The following CLSTN2 variants were observed in gnomAD, a reference collection of about 807,000 sequenced individuals.
CLSTN2 encodes the protein calsyntenin-2.
Under a neutral mutation model 101.2 loss-of-function variants are expected in CLSTN2, and 48 were observed. The ratio of observed to expected loss-of-function variants is 0.47; its 90% CI spans 0.38 to 0.60. CLSTN2 has a LOEUF of 0.60. CLSTN2 is among the 20% of genes least tolerant of loss of function. CLSTN2 has a pLI of 0.00. For synonymous variants in CLSTN2, 481 were observed against 463.6 expected, an observed-to-expected ratio of 1.04 and a Z score of -0.48; for missense variants, 1,160 against 1,238.2, an observed-to-expected ratio of 0.94 and a Z score of 0.95.
chr3:140,526,306 C>T (rs190399929), intron 8 of CLSTN2, among the ~76,000 whole-genome samples: 7 of 152,150 alleles, frequency 4.6e-5, no homozygotes, highest in Admixed American at 4.6e-4. Flanking sequence ...AACACAATCC[C>T]ATCTACAATA....
At chr3:140,381,195 C>T (rs1231863664) in intron 2 of CLSTN2, among the ~76,000 whole-genome samples, 1 of 152,188 alleles carries the variant, frequency 6.6e-6, no homozygotes, top group East Asian at 1.9e-4. Flanking sequence ...CATTATCTCC[C>T]TGTGTGTTTT....
chr3:139,971,945 A>G (rs543899167), intron 1 of CLSTN2, among the ~76,000 whole-genome samples: 1 of 152,008 alleles, frequency 6.6e-6, no homozygotes, highest in Admixed American at 6.6e-5. Context: ...AGGGTCAGGG[A>G]GACTGTCTGC....
At chr3:139,978,525 A>G (rs1424190858) in intron 1 of CLSTN2, among the ~76,000 whole-genome samples, 3 of 152,214 alleles carry the variant, frequency 2.0e-5, no homozygotes, top group Non-Finnish European at 4.4e-5. Flanking sequence ...GGAAAAGTTA[A>G]CTATGGCATC....
chr3:140,020,600 C>T (rs1298529336), intron 1 of CLSTN2, among the ~76,000 whole-genome samples: 1 of 152,190 alleles, frequency 6.6e-6, no homozygotes, highest in Non-Finnish European at 1.5e-5. Flanking sequence ...CATGCGTTCC[C>T]ATTGTGCCCT....
chr3:140,218,152 T>G (rs1400368561), intron 2 of CLSTN2, among the ~76,000 whole-genome samples: 1 of 152,192 alleles, frequency 6.6e-6, no homozygotes, highest in East Asian at 1.9e-4. Context: ...ATATTTTATA[T>G]TATTAAGCTC....
At chr3:140,321,169 T>C (rs966174175) in intron 2 of CLSTN2, among the ~76,000 whole-genome samples, 2 of 152,224 alleles carry the variant, frequency 1.3e-5, no homozygotes, top group Non-Finnish European at 2.9e-5. Flanking sequence ...GATTCTATTC[T>C]GGGCAGAGTG....
intron 5 of CLSTN2, among the ~76,000 whole-genome samples, chr3:140,439,418 A>G (rs1246540481): frequency 6.6e-6 from 1 of 152,218 alleles, no homozygotes; most frequent in Non-Finnish European, 1.5e-5. Flanking sequence ...TCTGCCAGAT[A>G]GATGTGAAGC....
At chr3:140,318,542 C>T (rs2087251725) in intron 2 of CLSTN2, among the ~76,000 whole-genome samples, 1 of 152,204 alleles carries the variant, frequency 6.6e-6, no homozygotes, top group Admixed American at 6.5e-5. Context: ...CCCCTCAGGT[C>T]TCAGGCTGTA....
At chr3:140,113,710 C>T (rs750631147) in intron 1 of CLSTN2, among the ~76,000 whole-genome samples, 1 of 152,178 alleles carries the variant, frequency 6.6e-6, no homozygotes, top group Non-Finnish European at 1.5e-5. Flanking sequence ...ATAATCATTC[C>T]TATTTCACAG....
At chr3:140,468,305 T>C (rs955881377) in intron 8 of CLSTN2, among the ~76,000 whole-genome samples, 8 of 152,220 alleles carry the variant, frequency 5.3e-5, no homozygotes, top group Non-Finnish European at 1.0e-4. Flanking sequence ...GGAACACTGC[T>C]ATACTGGTTG....
intron 2 of CLSTN2, among the ~76,000 whole-genome samples, chr3:140,240,174 C>CTCTCTCTCCATATATA (rs1311225528): frequency 7.5e-5 from 1 of 13,330 alleles, no homozygotes; most frequent in African/African-American, 1.1e-4. Flanking sequence ...CTCTCTCTCT[C>CTCTCTCTCCATATATA]TATATATATA....
rs1271790607 is a variant in CLSTN2, at chr3:140,572,345, C to A, written c.*6092C>A. On this transcript the variant is annotated 3_prime_UTR_variant, in exon 17 of 17. Coordinates refer to ENST00000458420, the MANE Select transcript of CLSTN2 (RefSeq NM_022131.3). ...TATGGATGAAAGCCAGTTACCCTGCCCACTGGGCAGAAATAACATGGTTGA... is the reference window on the plus strand; with the variant it reads ...TATGGATGAAAGCCAGTTACCCTGCACACTGGGCAGAAATAACATGGTTGA... The A allele has an allele frequency of 6.6e-6, 1 of 152,154 alleles. No homozygotes were observed. The allele number at this position is 152,154 out of a possible 1,614,324, so 9.4% of individuals were successfully genotyped here. A position where few individuals can be genotyped will look rare whatever the true frequency, so the allele number is the denominator to read the frequency against.
chr3:140,278,272 G>A (rs1398707856), intron 2 of CLSTN2, among the ~76,000 whole-genome samples: 1 of 152,184 alleles, frequency 6.6e-6, no homozygotes, highest in Non-Finnish European at 1.5e-5. Flanking sequence ...TTATTCTGAG[G>A]TATGCATGGT....
intron 8 of CLSTN2, among the ~76,000 whole-genome samples, chr3:140,481,463 GT>G (rs1427201690): frequency 1.3e-5 from 2 of 152,100 alleles, no homozygotes; most frequent in Admixed American, 6.5e-5. Flanking sequence ...CTTTAAAGTA[GT>G]TTTTTTCCAA....
intron 8 of CLSTN2, among the ~76,000 whole-genome samples, chr3:140,503,396 G>A (rs1322810371): frequency 6.6e-6 from 1 of 152,114 alleles, no homozygotes; most frequent in Non-Finnish European, 1.5e-5. Flanking sequence ...TGTTACATCT[G>A]CCTACAGTAT....
At chr3:140,088,930 A>G (rs570707468) in intron 1 of CLSTN2, among the ~76,000 whole-genome samples, 28 of 152,346 alleles carry the variant, frequency 1.8e-4, no homozygotes, top group Non-Finnish European at 3.7e-4. Flanking sequence ...AATATTTTAC[A>G]TTTGCTAAAA....
chr3:140,072,210 AAAC>A (rs2008409992), intron 1 of CLSTN2, among the ~76,000 whole-genome samples: 1 of 152,224 alleles, frequency 6.6e-6, no homozygotes, highest in African/African-American at 2.4e-5. Flanking sequence ...AAAAAACAGA[AAAC>A]AACATAAATA....
intron 8 of CLSTN2, among the ~76,000 whole-genome samples, chr3:140,477,187 A>G (rs1576589491): frequency 6.6e-6 from 1 of 152,288 alleles, no homozygotes; most frequent in East Asian, 1.9e-4. Flanking sequence ...TCCATCCTTA[A>G]TGTCTAAACA....
intron 1 of CLSTN2, among the ~76,000 whole-genome samples, chr3:140,044,218 G>C (rs1336709203): frequency 6.6e-6 from 1 of 152,204 alleles, no homozygotes; most frequent in Non-Finnish European, 1.5e-5. Flanking sequence ...GCAGTGGTTT[G>C]TAGTTCTCCT....
Sources: allele counts gnomAD v4.1 joint callset (sites outside exome capture counted in the v4.1 genomes callset), GRCh38; gene constraint gnomAD v4.1.1; transcripts MANE v1.5; gene names NCBI Gene and HGNC (gene_info 2026-07-23, HGNC 2026-07-21).